Variants in PDLIM3 observed in about 807,000 individuals in gnomAD.
PDLIM3 encodes the protein PDZ and LIM domain 3, also known as PDZ and LIM domain protein 3.
PDLIM3 carries 36 observed loss-of-function variants against 37.3 expected under a neutral mutation model. The observed-to-expected ratio is 0.97, with a 90% CI of 0.74 to 1.28. The LOEUF is 1.28. Among genes scored for constraint, PDLIM3 ranks in the 50% most tolerant of loss-of-function variants. The pLI is 0.00. For synonymous variants in PDLIM3, 174 were observed against 182.4 expected (o/e 0.95, Z 0.37); for missense variants, 454 against 485.0 (o/e 0.94, Z 0.60).
Position 185,514,842 on chromosome 4 carries a change from CAAA to C in PDLIM3, c.331-508_331-506del, listed in dbSNP as rs1360893690. ...TTGTCATCAATGTTTGCAGCTGCAA[CAAA>C]AGGCTGGGCCCTTCTGTTGTGCGCG... is the stretch of plus-strand genomic sequence containing the variant. On this transcript the variant is annotated intron_variant, in intron 3 of 7. Transcript: ENST00000284767. This position sits in a 1 kb window ranked among gnomAD's most constrained non-coding sequence, Gnocchi z 4.0. 1.9e-6 allele frequency: 3 copies of C among 1,551,684 alleles called. No homozygotes were observed. Among genetic ancestry groups the C allele is most frequent in the Non-Finnish European group, 2.6e-6 (3 of 1,146,982 alleles).
chr4:185,513,176 G>GC, intron 4 of PDLIM3: 2 of 985,218 alleles, frequency 2.0e-6, no homozygotes, highest in East Asian at 1.1e-4. Flanking sequence ...ACGTTCTAGG[G>GC]GGGGGAAGAT....
Position 185,503,570 on chromosome 4 carries a change from C to G in PDLIM3, c.905+905G>C, listed in dbSNP as rs145636602. ...GAGGAATGGAATAAGGGAATGGGGA[C>G]GTGGCCACATGGCACGAATGCCATG... On this transcript the variant is annotated intron_variant, in intron 7 of 7. Coordinates refer to ENST00000284767, the MANE Select transcript of PDLIM3 (RefSeq NM_014476.6). Among the ~76,000 whole-genome samples the G allele has an allele frequency of 1.3e-3, 199 of 152,314 alleles. 1 individual carries two copies. The highest frequency in any genetic ancestry group is 4.6e-3 in the African/African-American group (193 of 41,564).
At chr4:185,515,037 CTTTTCCATGG>C (rs1160173744) in intron 3 of PDLIM3, 6 of 606,480 alleles carry the variant, frequency 9.9e-6, no homozygotes, top group Non-Finnish European at 1.6e-5. Context: ...TAGCCATAAA[CTTTTCCATGG>C]TTTTCTCTGA....
In PDLIM3 at chr4:185,514,625, A is replaced by G; in HGVS notation, c.331-288T>C. 7.2e-7 allele frequency: 1 copy of G among 1,391,256 alleles called. No homozygotes were observed. The highest frequency in any genetic ancestry group is 1.5e-5 in the South Asian group (1 of 68,850). 86.2% of individuals were successfully genotyped at this position (1,391,256 alleles called of 1,614,324 possible). On this transcript the variant is annotated intron_variant, in intron 3 of 7. Transcript: ENST00000284767. The surrounding 1 kb of genome is among the most constrained non-coding windows in gnomAD (Gnocchi z 4.0). ...AGGAAAGTAAAAATAAAACAGCAAG[A>G]GCTGGACTTTTGAAAAGAAAAGAAA...
chr4:185,527,169 A>G lies in PDLIM3; in HGVS notation c.94-1998T>C, dbSNP rs73016262. Among the ~76,000 whole-genome samples, 309 of 152,320 alleles carry G rather than the reference A, an allele frequency of 2.0e-3. 1 individual carries two copies. Among genetic ancestry groups the G allele is most frequent in the African/African-American group, 7.2e-3 (299 of 41,576 alleles). ...ACTAGTCCCTATATACCCAAAGATT[A>G]TGGCTTTTAATGTCAACTTGTCATT... On this transcript the variant is annotated intron_variant, in intron 1 of 7. Coordinates refer to ENST00000284767, the MANE Select transcript of PDLIM3 (RefSeq NM_014476.6).
intron 4 of PDLIM3, chr4:185,513,258 A>G (rs1456183547): frequency 2.0e-6 from 2 of 985,250 alleles, no homozygotes; most frequent in Admixed American, 6.2e-5. Flanking sequence ...TCTGGATCTG[A>G]TATCACAAGA....
Position 185,508,368 on chromosome 4 carries a change from G to A in PDLIM3, c.593C>T (p.Ser198Leu). ...GAGTGTTTCCATAATATTGTCATCT[G>A]AGTACAACTGCATAGGTGTATTAAA... ...AQFNTPMQLY[S>L]DDNIMETLQG... is the part of the protein sequence containing the mutation. Residue 198 changes from serine (S) to leucine (L), a missense_variant, in exon 5 of 8, where the codon TCA becomes TTA. Physicochemically the swap from Ser to Leu is moderately radical, Grantham distance 145 (BLOSUM62 -2). Coordinates refer to ENST00000284767, the MANE Select transcript of PDLIM3 (RefSeq NM_014476.6). 6.2e-7 allele frequency: 1 copy of A among 1,613,738 alleles called. No homozygotes were observed. The highest frequency in any genetic ancestry group is 8.5e-7 in the Non-Finnish European group (1 of 1,179,660).
chr4:185,505,907 A>G (rs2153332043), intron 6 of PDLIM3, among the ~76,000 whole-genome samples: 1 of 152,274 alleles, frequency 6.6e-6, no homozygotes, highest in South Asian at 2.1e-4. Context: ...AGGACAGTCT[A>G]TATCTTTTGG....
At chr4:185,527,451 T>C (rs543917720) in intron 1 of PDLIM3, among the ~76,000 whole-genome samples, 24 of 152,358 alleles carry the variant, frequency 1.6e-4, no homozygotes, top group African/African-American at 3.8e-4. Context: ...AAAATGTTTA[T>C]TGTACTCACT....
chr4:185,507,224 A>C (rs2095699127), intron 5 of PDLIM3: 1 of 152,942 alleles, frequency 6.5e-6, no homozygotes, highest in Non-Finnish European at 1.5e-5. Flanking sequence ...TCAGGGTTTG[A>C]AAGCCTGTAA....
intron 1 of PDLIM3, among the ~76,000 whole-genome samples, chr4:185,532,944 A>G (rs1364109008): frequency 6.6e-6 from 1 of 152,014 alleles, no homozygotes; most frequent in East Asian, 1.9e-4. Flanking sequence ...GCACAAAACA[A>G]CTCTTTAGAA....
intron 1 of PDLIM3, among the ~76,000 whole-genome samples, chr4:185,529,037 G>C (rs1399288634): frequency 2.6e-5 from 4 of 152,136 alleles, no homozygotes; most frequent in Non-Finnish European, 4.4e-5. Flanking sequence ...GTTTGTCAGC[G>C]GATTATTTTT....
chr4:185,502,207 C>A lies in PDLIM3; in HGVS notation c.*87G>T. The A allele has an allele frequency of 1.5e-6, 2 of 1,345,026 alleles. No homozygotes were observed. Among genetic ancestry groups the A allele is most frequent in the Non-Finnish European group, 2.1e-6 (2 of 938,216 alleles). The allele number at this position is 1,345,026 out of a possible 1,614,324, so 83.3% of individuals were successfully genotyped here. A position where few individuals can be genotyped will look rare whatever the true frequency, so the allele number is the denominator to read the frequency against. On this transcript the variant is annotated 3_prime_UTR_variant, in exon 8 of 8. Coordinates refer to ENST00000284767, the MANE Select transcript of PDLIM3 (RefSeq NM_014476.6). The stretch of plus-strand genomic sequence containing the variant: ...CTTTAGATTTGGAGTTGACAATCTG[C>A]ACAATCCTTCTGCCCAAAGCCATGA...
At position 185,514,157 on chromosome 4, in the gene PDLIM3, C is replaced by T; in HGVS notation, c.398+113G>A. 2 of 1,594,892 alleles carry T rather than the reference C, an allele frequency of 1.3e-6. No homozygotes were observed. The highest frequency in any genetic ancestry group is 1.1e-5 in the South Asian group (1 of 88,962). On this transcript the variant is annotated intron_variant, in intron 4 of 7. Transcript: ENST00000284767. This position sits in a 1 kb window ranked among gnomAD's most constrained non-coding sequence, Gnocchi z 4.0. ...TGTTTCTTTTTGCTTTTGAAATAAGCTTCGCAATGAGAAAAGCCACTCCAA... is the reference window on the plus strand; with the variant it reads ...TGTTTCTTTTTGCTTTTGAAATAAGTTTCGCAATGAGAAAAGCCACTCCAA...
intron 3 of PDLIM3, among the ~76,000 whole-genome samples, chr4:185,520,122 T>C (rs1010069431): frequency 6.6e-6 from 1 of 152,354 alleles, no homozygotes; most frequent in East Asian, 1.9e-4. Flanking sequence ...TCAGCACGTT[T>C]TGTTCTGGTT....
Position 185,515,162 on chromosome 4 carries a change from CT to C in PDLIM3, c.331-826del, listed in dbSNP as rs140104698. ...TAAACATTGCACCTCTTATCTGCCC[CT>C]GACTTCTTCATCTATAGCTTTAAGA... On this transcript the variant is annotated intron_variant, in intron 3 of 7. Coordinates refer to ENST00000284767, the MANE Select transcript of PDLIM3 (RefSeq NM_014476.6). 0.02 allele frequency: 4,814 copies of C among 236,116 alleles called. 239 individuals are homozygous for C. The highest frequency in any genetic ancestry group is 0.1 in the African/African-American group (4,513 of 44,670). The allele number at this position is 236,116 out of a possible 1,614,324, so 14.6% of individuals were successfully genotyped here.
At chr4:185,533,788 G>A (rs753250844) in intron 1 of PDLIM3, among the ~76,000 whole-genome samples, 3 of 152,004 alleles carry the variant, frequency 2.0e-5, no homozygotes, top group Non-Finnish European at 4.4e-5. Context: ...TAATTATATT[G>A]ACATACGATT....
intron 1 of PDLIM3, among the ~76,000 whole-genome samples, chr4:185,533,128 T>A (rs1459647461): frequency 6.6e-6 from 1 of 152,128 alleles, no homozygotes; most frequent in East Asian, 1.9e-4. Flanking sequence ...GCTACTCTCC[T>A]AAAGATTATT....
intron 3 of PDLIM3, among the ~76,000 whole-genome samples, chr4:185,519,003 A>G (rs898899712): frequency 6.6e-6 from 1 of 152,174 alleles, no homozygotes; most frequent in African/African-American, 2.4e-5. Flanking sequence ...TTAAGCAAAT[A>G]TGAGGGTTAT....
Sources: allele counts gnomAD v4.1 joint callset (sites outside exome capture counted in the v4.1 genomes callset), GRCh38; gene constraint gnomAD v4.1.1; non-coding constraint Gnocchi (gnomAD v3.1); transcripts MANE v1.5; gene names NCBI Gene and HGNC (gene_info 2026-07-23, HGNC 2026-07-21).